GRM8: variants seen among roughly 807,000 people sequenced by gnomAD.
GRM8 encodes the protein glutamate metabotropic receptor 8, also known as metabotropic glutamate receptor 8.
A neutral mutation model predicts 87.2 loss-of-function variants in GRM8; 47 were observed. The observed-to-expected ratio is 0.54, with a 90% confidence interval of 0.43 to 0.69. GRM8 has a LOEUF of 0.69. Ranked by LOEUF, GRM8 falls within the 30% of genes least tolerant of loss-of-function variation. The probability of loss-of-function intolerance (pLI) is 0.00; values close to 1 mark genes in which losing one functional copy is unlikely to be tolerated. For synonymous variants in GRM8, 396 were observed against 404.5 expected (o/e 0.98, Z 0.25); for missense variants, 1,019 against 1,139.2 (o/e 0.89, Z 1.52).
intron 9 of GRM8, among the ~76,000 whole-genome samples, chr7:126,466,525 A>G (rs975673422): frequency 2.0e-5 from 3 of 151,946 alleles, no homozygotes; most frequent in Non-Finnish European, 4.4e-5. Context: ...TCACACAATT[A>G]TAGAGGCTGA....
intron 7 of GRM8, among the ~76,000 whole-genome samples, chr7:126,760,033 A>T (rs1817431372): frequency 6.6e-6 from 1 of 152,082 alleles, no homozygotes; most frequent in Non-Finnish European, 1.5e-5. Context: ...CTCCTTCAGA[A>T]ATTTTTCCCA....
At chr7:127,187,568 G>C (rs1794805075) in intron 2 of GRM8, among the ~76,000 whole-genome samples, 1 of 152,096 alleles carries the variant, frequency 6.6e-6, no homozygotes, top group Non-Finnish European at 1.5e-5. Context: ...CCAGCTAAGA[G>C]GCCATAACTG....
At chr7:126,722,248 T>C (rs984775232) in intron 7 of GRM8, among the ~76,000 whole-genome samples, 1 of 152,194 alleles carries the variant, frequency 6.6e-6, no homozygotes, top group South Asian at 2.1e-4. Flanking sequence ...CTTCCTCTTA[T>C]ATTTATTTTA....
chr7:126,934,171 A>G (rs1231752838), intron 3 of GRM8, among the ~76,000 whole-genome samples: 3 of 152,190 alleles, frequency 2.0e-5, no homozygotes, highest in Non-Finnish European at 2.9e-5. Context: ...ATGCTTCTAC[A>G]TTATAAAATG....
intron 7 of GRM8, among the ~76,000 whole-genome samples, chr7:126,720,052 G>C (rs1585655783): frequency 6.6e-6 from 1 of 151,252 alleles, no homozygotes; most frequent in African/African-American, 2.4e-5. Flanking sequence ...TTTCTTACTT[G>C]TCACTCCCTC....
Position 126,667,922 on chromosome 7 carries a change from C to T in GRM8, c.1358-58424G>A, listed in dbSNP as rs573583651. Among the ~76,000 whole-genome samples the T allele has an allele frequency of 5.9e-5, 9 of 152,334 alleles. No homozygotes were observed. In the South Asian group the frequency reaches 1.9e-3, roughly 32 times the overall value. ...CACGGGAAGCAGCAAGAACAGACTG[C>T]CATACTTTTGCTTCGACCTTTATCT... On this transcript the variant is annotated intron_variant, in intron 7 of 10. Transcript: ENST00000339582.
At chr7:126,928,222 G>A (rs1415791701) in intron 3 of GRM8, among the ~76,000 whole-genome samples, 2 of 124,428 alleles carry the variant, frequency 1.6e-5, no homozygotes, top group African/African-American at 5.9e-5. Flanking sequence ...ATGTTGGGGG[G>A]TGGGGGGTGG....
intron 3 of GRM8, among the ~76,000 whole-genome samples, chr7:126,937,429 G>A (rs1296852956): frequency 1.3e-5 from 2 of 152,182 alleles, no homozygotes; most frequent in Non-Finnish European, 2.9e-5. Flanking sequence ...CAGAGCTAGT[G>A]ACTGTTGAAT....
chr7:126,467,350 T>G (rs1406770856), intron 9 of GRM8, among the ~76,000 whole-genome samples: 1 of 152,088 alleles, frequency 6.6e-6, no homozygotes, highest in South Asian at 2.1e-4. Flanking sequence ...ACAAATTTTC[T>G]TCATTAGCAA....
intron 3 of GRM8, among the ~76,000 whole-genome samples, chr7:127,015,359 C>T (rs984938450): frequency 1.3e-5 from 2 of 152,058 alleles, no homozygotes; most frequent in African/African-American, 4.8e-5. Context: ...TATTACATCA[C>T]ATAGACCAAA....
chr7:126,855,745 G>A (rs1797621887), intron 6 of GRM8, among the ~76,000 whole-genome samples: 2 of 152,094 alleles, frequency 1.3e-5, no homozygotes, highest in Non-Finnish European at 2.9e-5. Context: ...AAAGTGCTGG[G>A]ATTACAGGTG....
At chr7:127,221,441 T>C (rs1008055484) in intron 2 of GRM8, among the ~76,000 whole-genome samples, 4 of 152,156 alleles carry the variant, frequency 2.6e-5, no homozygotes, top group Admixed American at 1.3e-4. Flanking sequence ...TATAGCCACC[T>C]TGCCCAAGTA....
At chr7:126,558,356 T>C (rs1793364234) in intron 8 of GRM8, among the ~76,000 whole-genome samples, 1 of 152,168 alleles carries the variant, frequency 6.6e-6, no homozygotes, top group Admixed American at 6.5e-5. Flanking sequence ...GAAAATCTAA[T>C]TTGCCAAGGG....
intron 7 of GRM8, among the ~76,000 whole-genome samples, chr7:126,668,031 T>G (rs1020584029): frequency 6.6e-6 from 1 of 152,006 alleles, no homozygotes; most frequent in Non-Finnish European, 1.5e-5. Flanking sequence ...CTGGAGAAAC[T>G]CCAAGCAGCC....
intron 3 of GRM8, among the ~76,000 whole-genome samples, chr7:127,082,326 G>C (rs1822955657): frequency 6.6e-6 from 1 of 152,096 alleles, no homozygotes; most frequent in Non-Finnish European, 1.5e-5. Flanking sequence ...TGGTTATGTG[G>C]TATGGATTCA....
intron 9 of GRM8, among the ~76,000 whole-genome samples, chr7:126,453,377 A>T (rs1802867380): frequency 6.6e-6 from 1 of 151,754 alleles, no homozygotes; most frequent in African/African-American, 2.4e-5. Context: ...CTTTCGGCTC[A>T]GGACACATAT....
At chr7:127,225,003 A>G (rs1347178650) in intron 2 of GRM8, among the ~76,000 whole-genome samples, 3 of 152,234 alleles carry the variant, frequency 2.0e-5, no homozygotes, top group South Asian at 2.1e-4. Flanking sequence ...ATGTTTAAAA[A>G]GCCATGTCAA....
At chr7:126,599,659 A>G (rs1229492075) in intron 8 of GRM8, among the ~76,000 whole-genome samples, 1 of 152,144 alleles carries the variant, frequency 6.6e-6, no homozygotes. Flanking sequence ...CAGATACACC[A>G]ACACAGTTCT....
intron 3 of GRM8, 65 bp downstream of exon 3, chr7:127,106,431 G>C (rs1209564752): frequency 1.6e-6 from 2 of 1,256,720 alleles, no homozygotes; most frequent in Admixed American, 1.8e-5. Context: ...GAGAGCACTT[G>C]GAGATGCTCA....
Sources: gnomAD v4.1 joint callset for allele counts (sites outside exome capture counted in the v4.1 genomes callset) on GRCh38, gnomAD v4.1.1 for gene constraint, MANE v1.5 for transcripts, NCBI Gene and HGNC (gene_info 2026-07-23, HGNC 2026-07-21) for gene names.